The following HEATR4 variants were observed in gnomAD, a reference collection of about 807,000 sequenced individuals.
The protein encoded by HEATR4 is HEAT repeat-containing protein 4.
Under a neutral mutation model 108.8 loss-of-function variants are expected in HEATR4, and 95 were observed. The observed-to-expected ratio is 0.87, with a 90% CI of 0.74 to 1.04. The LOEUF (loss-of-function observed/expected upper bound fraction) is 1.04, where lower values mean the gene tolerates loss of function less well. Among genes scored for constraint, HEATR4 ranks in the 50% least tolerant of loss-of-function variants. The probability of loss-of-function intolerance (pLI) is 0.00; values close to 1 mark genes in which losing one functional copy is unlikely to be tolerated. For synonymous variants in HEATR4, 443 were observed against 459.4 expected (o/e 0.96, Z 0.46); for missense variants, 1,152 against 1,253.8 (o/e 0.92, Z 1.23).
At chr14:73,606,143 C>T in the HEATR4 span, among the ~76,000 whole-genome samples, 6 of 152,068 alleles carry the variant, frequency 3.9e-5, no homozygotes, top group Middle Eastern at 3.4e-3. Context: ...TCCTCCCTGA[C>T]GTCGGGAGTT....
chr14:73,498,249 AAGCTTCC>A lies in HEATR4; in HGVS notation c.2445_2451del (p.Glu816AlafsTer5). ...AGTTTCAGGGCTAGGATGCTACGGC[AAGCTTCC>A]AGCCGTACACCTGGTGACTCTTCAT... On this transcript the variant is annotated frameshift_variant, in exon 14 of 18. Coordinates refer to ENST00000553558, the MANE Select transcript of HEATR4 (RefSeq NM_001220484.1). LOFTEE classifies it high-confidence loss of function. The A allele has an allele frequency of 6.2e-7, 1 of 1,614,118 alleles. No individual in the cohort carries two copies. The highest frequency in any genetic ancestry group is 1.1e-5 in the South Asian group (1 of 91,082).
intron 1 of HEATR4, among the ~76,000 whole-genome samples, chr14:73,556,066 G>C (rs1284833190): frequency 1.7e-5 from 2 of 114,492 alleles, no homozygotes; most frequent in African/African-American, 5.6e-5. Flanking sequence ...TTGACATAAA[G>C]AATCTTTAGT....
the HEATR4 span, chr14:73,595,983 G>T: frequency 5.2e-6 from 1 of 192,012 alleles, no homozygotes; most frequent in Non-Finnish European, 1.1e-5. Flanking sequence ...TGAAAGAATG[G>T]TCACTTAATG....
intron 7 of HEATR4, among the ~76,000 whole-genome samples, chr14:73,511,692 T>C (rs1186709467): frequency 6.6e-6 from 1 of 152,032 alleles, no homozygotes; most frequent in Admixed American, 6.6e-5. Flanking sequence ...CTGGTCAACA[T>C]AGCAAGACAC....
chr14:73,565,847 G>C, the HEATR4 span, among the ~76,000 whole-genome samples: 2 of 152,018 alleles, frequency 1.3e-5, no homozygotes, highest in African/African-American at 4.8e-5. Context: ...AAAGAACAAA[G>C]TTTCCACAGT....
chr14:73,594,592 G>T, the HEATR4 span, among the ~76,000 whole-genome samples: 6 of 152,176 alleles, frequency 3.9e-5, no homozygotes, highest in African/African-American at 1.4e-4. Context: ...AGCTGAGGTT[G>T]ATTTTCTTGT....
At chr14:73,581,055 A>G in the HEATR4 span, 1 of 152,022 alleles carries the variant, frequency 6.6e-6, no homozygotes, top group African/African-American at 2.4e-5. Context: ...TGATATGTGT[A>G]TATTAACACA....
At chr14:73,587,227 G>A in the HEATR4 span, among the ~76,000 whole-genome samples, 8 of 152,140 alleles carry the variant, frequency 5.3e-5, no homozygotes, top group East Asian at 1.4e-3. Context: ...TAGCTTCGGG[G>A]TGTCAAGATA....
the HEATR4 span, chr14:73,593,978 C>A: frequency 7.4e-7 from 1 of 1,342,960 alleles, no homozygotes; most frequent in Non-Finnish European, 1.0e-6. Context: ...TTACCACGTG[C>A]AGAAATGCTG....
chr14:73,580,753 A>T, the HEATR4 span: 1 of 152,100 alleles, frequency 6.6e-6, no homozygotes, highest in Non-Finnish European at 1.5e-5. Context: ...GTACTTAACA[A>T]GCATCTAGGT....
the HEATR4 span, among the ~76,000 whole-genome samples, chr14:73,620,116 T>C: frequency 1.3e-5 from 2 of 152,162 alleles, no homozygotes; most frequent in Non-Finnish European, 2.9e-5. Context: ...TTCGCCATGT[T>C]GGCCAGGCTG....
At chr14:73,512,181 C>A (rs746029468) in intron 6 of HEATR4, 32 bp from the exon 7 acceptor site, 3 of 1,612,836 alleles carry the variant, frequency 1.9e-6, no homozygotes, top group South Asian at 2.2e-5. Context: ...GAAAAGAGAA[C>A]CACCTGGTTA....
At chr14:73,538,027 ATGTT>A in intron 1 of HEATR4, 1 of 737,790 alleles carries the variant, frequency 1.4e-6, no homozygotes, top group Non-Finnish European at 1.8e-6. Context: ...ACCCCGGGCT[ATGTT>A]GCCCAGGTAG....
At chr14:73,587,517 A>G in the HEATR4 span, among the ~76,000 whole-genome samples, 115,382 of 151,956 alleles carry the variant, frequency 0.76, 44,062 homozygotes, top group East Asian at 0.91. Flanking sequence ...CACCACACCC[A>G]GCTAATTTTT....
chr14:73,570,444 CT>C, the HEATR4 span, among the ~76,000 whole-genome samples: 1 of 151,930 alleles, frequency 6.6e-6, no homozygotes. Context: ...TAGCGGGCGC[CT>C]GTAGTCCCAG....
the HEATR4 span, among the ~76,000 whole-genome samples, chr14:73,608,886 A>G: frequency 3.2e-4 from 49 of 152,216 alleles, no homozygotes; most frequent in Non-Finnish European, 6.2e-4. Flanking sequence ...TGTCCTTCAC[A>G]TGGCGGCAAC....
the HEATR4 span, chr14:73,595,478 C>T: frequency 1.9e-6 from 3 of 1,614,124 alleles, no homozygotes; most frequent in South Asian, 1.1e-5. Flanking sequence ...TTACATCGAG[C>T]CTCCTTACTT....
intron 1 of HEATR4, among the ~76,000 whole-genome samples, chr14:73,555,680 G>T (rs1889382632): frequency 8.6e-6 from 1 of 115,636 alleles, no homozygotes; most frequent in African/African-American, 2.8e-5. Flanking sequence ...ATGGGATGAG[G>T]ACTCATTTCA....
Position 73,531,181 on chromosome 14 carries a change from G to A in HEATR4, c.-151-937C>T, listed in dbSNP as rs1888686365. On this transcript the variant is annotated intron_variant, in intron 1 of 17. Coordinates refer to ENST00000553558, the MANE Select transcript of HEATR4 (RefSeq NM_001220484.1). ...ATGGCCTCCTACAAGGCAGTCCTCA[G>A]AGAGAAGCAAGGTTCTGCATCTTAA... 2 of 113,794 alleles carry A rather than the reference G, an allele frequency of 1.8e-5. 1 individual carries two copies. Among genetic ancestry groups the A allele is most frequent in the Non-Finnish European group, 3.8e-5 (2 of 52,398 alleles). 7.0% of individuals were successfully genotyped at this position (113,794 alleles called of 1,614,324 possible). A position where few individuals can be genotyped will look rare whatever the true frequency, so the allele number is the denominator to read the frequency against.
Sources: gnomAD v4.1 joint callset for allele counts (sites outside exome capture counted in the v4.1 genomes callset) on GRCh38, gnomAD v4.1.1 for gene constraint, MANE v1.5 for transcripts, NCBI Gene and HGNC (gene_info 2026-07-23, HGNC 2026-07-21) for gene names.